Variants in TGFBR3 observed in about 807,000 individuals in gnomAD.
TGFBR3 encodes the protein transforming growth factor beta receptor 3, also known as transforming growth factor beta receptor type 3.
A neutral mutation model predicts 87.9 loss-of-function variants in TGFBR3; 46 were observed. That is an observed-to-expected ratio of 0.52 (90% CI 0.41 to 0.67). The LOEUF (loss-of-function observed/expected upper bound fraction) is 0.67, where lower values mean the gene tolerates loss of function less well. Ranked by LOEUF, TGFBR3 falls within the 30% of genes least tolerant of loss-of-function variation. The pLI is 0.00. For missense variants in TGFBR3, 866 were observed against 1,041.9 expected (o/e 0.83, Z 2.32); for synonymous variants, 381 against 391.6 (o/e 0.97, Z 0.32).
intron 3 of TGFBR3, among the ~76,000 whole-genome samples, chr1:91,776,291 G>A (rs1674564902): frequency 6.6e-6 from 1 of 152,238 alleles, no homozygotes; most frequent in Non-Finnish European, 1.5e-5. Context: ...AGGGGGTCAG[G>A]ACTGCCAGTG....
chr1:91,806,906 A>G (rs1675856132), intron 2 of TGFBR3, among the ~76,000 whole-genome samples: 1 of 152,176 alleles, frequency 6.6e-6, no homozygotes, highest in South Asian at 2.1e-4. Flanking sequence ...CCCCCATGGG[A>G]TGCAAGAATC....
intron 2 of TGFBR3, among the ~76,000 whole-genome samples, chr1:91,801,854 A>T (rs1675640662): frequency 1.3e-5 from 2 of 152,218 alleles, no homozygotes; most frequent in Non-Finnish European, 2.9e-5. Context: ...AGGCCCCACA[A>T]AAGGTACACA....
At chr1:91,729,164 C>CAT (rs1672664642) in intron 6 of TGFBR3, among the ~76,000 whole-genome samples, 1 of 142,240 alleles carries the variant, frequency 7.0e-6, no homozygotes, top group Admixed American at 6.9e-5. Flanking sequence ...CACACACACA[C>CAT]ACACACACAC....
At chr1:91,705,218 CT>C (rs1160300912) in intron 14 of TGFBR3, among the ~76,000 whole-genome samples, 1 of 141,660 alleles carries the variant, frequency 7.1e-6, no homozygotes, top group Non-Finnish European at 1.5e-5. Flanking sequence ...TGGTCACAGT[CT>C]CTTTTCTTTT....
At chr1:91,762,601 G>C (rs771319542) in intron 3 of TGFBR3, among the ~76,000 whole-genome samples, 1 of 152,196 alleles carries the variant, frequency 6.6e-6, no homozygotes, top group Non-Finnish European at 1.5e-5. Context: ...TTCTAACCAT[G>C]CTGGTTTCAA....
intron 4 of TGFBR3, among the ~76,000 whole-genome samples, chr1:91,748,471 G>A (rs1232726616): frequency 2.6e-5 from 4 of 152,132 alleles, no homozygotes; most frequent in African/African-American, 9.7e-5. Flanking sequence ...TTATTCAAGT[G>A]AAATACTGAT....
chr1:91,865,871 C>T (rs1380759244), intron 1 of TGFBR3, among the ~76,000 whole-genome samples: 2 of 150,234 alleles, frequency 1.3e-5, no homozygotes, highest in African/African-American at 4.9e-5. Context: ...GAGATCGCGC[C>T]ACTGCACTCC....
At chr1:91,815,353 T>C (rs1186123914) in intron 2 of TGFBR3, among the ~76,000 whole-genome samples, 3 of 133,354 alleles carry the variant, frequency 2.2e-5, no homozygotes, top group Non-Finnish European at 4.9e-5. Context: ...GGGATAGTCC[T>C]GTCCTAGCTA....
At chr1:91,711,939 T>A (rs1671995979) in intron 13 of TGFBR3, among the ~76,000 whole-genome samples, 1 of 152,232 alleles carries the variant, frequency 6.6e-6, no homozygotes, top group African/African-American at 2.4e-5. Flanking sequence ...TGCTGTGTTT[T>A]TGGCCTGCAA....
intron 13 of TGFBR3, 95 bp downstream of exon 13, chr1:91,712,148 C>G: frequency 8.1e-7 from 1 of 1,230,138 alleles, no homozygotes; most frequent in South Asian, 1.3e-5. Flanking sequence ...AGTTCCAAAA[C>G]AAAAAACCTC....
chr1:91,743,750 G>C (rs1673235089), intron 4 of TGFBR3, among the ~76,000 whole-genome samples: 1 of 152,198 alleles, frequency 6.6e-6, no homozygotes, highest in South Asian at 2.1e-4. Flanking sequence ...CTAAGGTTCT[G>C]TGCTGAGAAG....
At chr1:91,844,296 T>C (rs1477200573) in intron 2 of TGFBR3, among the ~76,000 whole-genome samples, 1 of 152,208 alleles carries the variant, frequency 6.6e-6, no homozygotes, top group African/African-American at 2.4e-5. Flanking sequence ...GTATCAGTTT[T>C]CATCATTATT....
At chr1:91,727,510 A>G in intron 7 of TGFBR3, 149 bp downstream of exon 7, 1 of 967,940 alleles carries the variant, frequency 1.0e-6, no homozygotes, top group Non-Finnish European at 1.5e-6. Flanking sequence ...CCTATTTTAT[A>G]GGAGCATGCT....
chr1:91,840,715 A>C (rs2101114215), intron 2 of TGFBR3, among the ~76,000 whole-genome samples: 1 of 152,334 alleles, frequency 6.6e-6, no homozygotes, highest in South Asian at 2.1e-4. Context: ...TAATGGATGT[A>C]AGTTTTCCAA....
At chr1:91,738,772 A>G (rs1673048722) in intron 4 of TGFBR3, among the ~76,000 whole-genome samples, 1 of 152,250 alleles carries the variant, frequency 6.6e-6, no homozygotes, top group Non-Finnish European at 1.5e-5. Flanking sequence ...ACAAAGATTT[A>G]TGGAGTGCCT....
intron 4 of TGFBR3, among the ~76,000 whole-genome samples, chr1:91,749,636 G>A (rs1207840303): frequency 6.6e-6 from 1 of 152,074 alleles, no homozygotes; most frequent in Non-Finnish European, 1.5e-5. Flanking sequence ...GGAAGGAGTT[G>A]GACCATCCTG....
chr1:91,806,571 G>A (rs984738142), intron 2 of TGFBR3, among the ~76,000 whole-genome samples: 5 of 152,056 alleles, frequency 3.3e-5, no homozygotes, highest in African/African-American at 9.7e-5. Context: ...ATACCAAGTT[G>A]ACACAAACAT....
At chr1:91,774,203 T>C (rs1013709342) in intron 3 of TGFBR3, among the ~76,000 whole-genome samples, 2 of 152,058 alleles carry the variant, frequency 1.3e-5, no homozygotes, top group African/African-American at 4.8e-5. Flanking sequence ...AGTGGCACGA[T>C]CTCGGCTCAC....
intron 1 of TGFBR3, among the ~76,000 whole-genome samples, chr1:91,882,442 C>CT (rs1679127073): frequency 6.6e-6 from 1 of 150,612 alleles, no homozygotes; most frequent in Non-Finnish European, 1.5e-5. Context: ...CAGCCAAAAA[C>CT]TTTTTTTAAA....
Sources: gnomAD v4.1 joint callset for allele counts (sites outside exome capture counted in the v4.1 genomes callset) on GRCh38, gnomAD v4.1.1 for gene constraint, MANE v1.5 for transcripts, NCBI Gene and HGNC (gene_info 2026-07-23, HGNC 2026-07-21) for gene names.